Variants in TRIM34 observed in about 807,000 individuals in gnomAD.
TRIM34 encodes tripartite motif containing 34.
A neutral mutation model predicts 38.1 loss-of-function variants in TRIM34; 41 were observed. The ratio of observed to expected loss-of-function variants is 1.08; its 90% CI spans 0.84 to 1.40. The LOEUF is 1.40. TRIM34 is among the 40% of genes most tolerant of loss of function. The pLI, the probability that TRIM34 is intolerant of heterozygous loss-of-function variation, is 0.00. For synonymous variants in TRIM34, 200 were observed against 202.5 expected (o/e 0.99, Z 0.10); for missense variants, 556 against 571.4 (o/e 0.97, Z 0.27).
At position 5,632,295 on chromosome 11, in the gene TRIM34, A is replaced by G. The variant is rs771180490; in HGVS notation, c.-37A>G. On this transcript the variant is annotated 5_prime_UTR_variant, in exon 2 of 8. Transcript: ENST00000429814. ...TAACCAGAAGAGAGAGGAGAGCCTC[A>G]GGAGTTAGGACCAGAAGAAGCCAGG... 3 of 1,613,686 alleles carry G rather than the reference A, an allele frequency of 1.9e-6. No homozygotes were observed. Among genetic ancestry groups the G allele is most frequent in the Admixed American group, 1.7e-5 (1 of 59,980 alleles).
At chr11:5,641,263 G>A (rs1849999925) in intron 5 of TRIM34, 74 bp downstream of exon 5, 3 of 1,606,106 alleles carry the variant, frequency 1.9e-6, no homozygotes, top group South Asian at 2.2e-5. Context: ...TTATTTGGTG[G>A]TCAATTGGAA....
intron 2 of TRIM34, 66 bp downstream of exon 2, chr11:5,632,820 T>C: frequency 2.5e-6 from 3 of 1,184,300 alleles, no homozygotes; most frequent in Admixed American, 3.3e-5. Flanking sequence ...CACCTTTTCA[T>C]CCTTTTTTTT....
intron 4 of TRIM34, 49 bp downstream of exon 4, chr11:5,634,910 G>A (rs760063922): frequency 3.0e-5 from 48 of 1,574,208 alleles, no homozygotes; most frequent in Non-Finnish European, 3.9e-5. Context: ...GTTCCCTCCT[G>A]TGTCCTTGCG....
At chr11:5,634,972 C>T (rs1849670314) in intron 4 of TRIM34, 111 bp downstream of exon 4, 4 of 1,148,980 alleles carry the variant, frequency 3.5e-6, no homozygotes, top group Non-Finnish European at 3.6e-6. Context: ...GCAGTGCCGC[C>T]TTGTCGTCCA....
Position 5,643,669 on chromosome 11 carries a change from A to G in TRIM34, c.1427A>G (p.Asn476Ser), listed in dbSNP as rs760156411. ...QPVYPYFNPWNCPAPMTLCPP... is the reference protein window; with the variant it reads ...QPVYPYFNPWSCPAPMTLCPP... ...GTTTATCCATATTTCAATCCTTGGA[A>G]CTGTCCAGCTCCCATGACTCTATGC... is the stretch of plus-strand genomic sequence containing the variant. Residue 476 changes from asparagine to serine, a missense_variant, in exon 8 of 8, where the codon AAC becomes AGC. Physicochemically the swap from Asn to Ser is conservative, Grantham distance 46. Coordinates refer to ENST00000429814, the MANE Select transcript of TRIM34 (RefSeq NM_021616.6). 6.2e-7 allele frequency: 1 copy of G among 1,613,142 alleles called. No homozygotes were observed. Among genetic ancestry groups the G allele is most frequent in the South Asian group, 1.1e-5 (1 of 90,894 alleles).
At chr11:5,621,426 T>C (rs111500586), upstream of TRIM34, among the ~76,000 whole-genome samples, 281 of 152,360 alleles carry the variant, frequency 1.8e-3, no homozygotes, top group African/African-American at 6.2e-3. Context: ...CCTGTTTACA[T>C]AGAGCTCTAA....
chr11:5,628,710 TAA>T (rs2133915114), intron 1 of TRIM34, among the ~76,000 whole-genome samples: 1 of 152,290 alleles, frequency 6.6e-6, no homozygotes, highest in South Asian at 2.1e-4. Context: ...AGCACTGTTG[TAA>T]CCAATTATCA....
chr11:5,621,467 T>C (rs1199316180), upstream of TRIM34, among the ~76,000 whole-genome samples: 1 of 152,236 alleles, frequency 6.6e-6, no homozygotes, highest in Non-Finnish European at 1.5e-5. Flanking sequence ...CTGCATATTC[T>C]TGAATGACTA....
Position 5,643,966 on chromosome 11 carries a change from AT to A in TRIM34, c.*260del. ...ATGGGTATAACATCCTTGCCTTCCCATTTATCCATGTTTCACTTTATCACTG... is the reference window on the plus strand; with the variant it reads ...ATGGGTATAACATCCTTGCCTTCCCATTATCCATGTTTCACTTTATCACTG... On this transcript the variant is annotated 3_prime_UTR_variant, in exon 8 of 8. Transcript: ENST00000429814. 2.0e-6 allele frequency: 1 copy of A among 509,478 alleles called. No homozygotes were observed. The highest frequency in any genetic ancestry group is 3.3e-6 in the Non-Finnish European group (1 of 300,652). 31.6% of individuals were successfully genotyped at this position (509,478 alleles called of 1,614,324 possible).
rs1850132888 is a variant in TRIM34, at chr11:5,643,888, CTT to C, written c.*183_*184del. The C allele has an allele frequency of 2.4e-6, 2 of 817,638 alleles. No homozygotes were observed. Among genetic ancestry groups the C allele is most frequent in the Non-Finnish European group, 3.6e-6 (2 of 549,554 alleles). 50.6% of individuals were successfully genotyped at this position (817,638 alleles called of 1,614,324 possible). A position where few individuals can be genotyped will look rare whatever the true frequency, so the allele number is the denominator to read the frequency against. ...AGAGATGCTTATTTATTCATTTACT[CTT>C]TTTCATATTTTCAGAGAAAGTTACC... is the stretch of plus-strand genomic sequence containing the variant. On this transcript the variant is annotated 3_prime_UTR_variant, in exon 8 of 8. Transcript: ENST00000429814.
At chr11:5,635,559 T>A (rs570350073) in intron 4 of TRIM34, among the ~76,000 whole-genome samples, 1 of 152,078 alleles carries the variant, frequency 6.6e-6, no homozygotes, top group Non-Finnish European at 1.5e-5. Context: ...CCCAGCCCCC[T>A]GTTACTTTTT....
chr11:5,634,807 G>A lies in TRIM34; in HGVS notation c.696G>A (p.Glu232=). 6.2e-7 allele frequency: 1 copy of A among 1,613,770 alleles called. No individual in the cohort carries two copies. The highest frequency in any genetic ancestry group is 8.5e-7 in the Non-Finnish European group (1 of 1,179,792). ...ELVQQKQLVR[E]LISDVECRSQ... is the part of the protein sequence containing the mutation. ...TTCAGCAGAAGCAGTTGGTGAGAGA[G>A]CTCATCTCAGATGTGGAGTGTCGGA... Residue 232 remains glutamate (E), a synonymous_variant, in exon 4 of 8, where the codon GAG becomes GAA. Coordinates refer to ENST00000429814, the MANE Select transcript of TRIM34 (RefSeq NM_021616.6).
At chr11:5,629,677 G>A (rs900235506) in intron 1 of TRIM34, among the ~76,000 whole-genome samples, 5 of 152,172 alleles carry the variant, frequency 3.3e-5, no homozygotes, top group Non-Finnish European at 7.3e-5. Context: ...AGACAGGGCC[G>A]CTTCAGGTGA....
intron 3 of TRIM34, among the ~76,000 whole-genome samples, chr11:5,634,171 AC>A (rs1387220005): frequency 6.6e-6 from 1 of 152,142 alleles, no homozygotes; most frequent in Non-Finnish European, 1.5e-5. Flanking sequence ...ACGGGGCTCT[AC>A]TACTTCTGGT....
At chr11:5,627,863 C>T (rs962731849) in intron 1 of TRIM34, among the ~76,000 whole-genome samples, 1 of 152,216 alleles carries the variant, frequency 6.6e-6, no homozygotes, top group African/African-American at 2.4e-5. Flanking sequence ...CTAAAAGTCA[C>T]TCGTAGAGAC....
chr11:5,637,780 A>G (rs1006526903), intron 4 of TRIM34, among the ~76,000 whole-genome samples: 3 of 152,164 alleles, frequency 2.0e-5, no homozygotes, highest in Admixed American at 2.0e-4. Context: ...GATAACCACT[A>G]TTCTACTTTC....
At chr11:5,630,169 A>G (rs558457351) in intron 1 of TRIM34, among the ~76,000 whole-genome samples, 4 of 152,296 alleles carry the variant, frequency 2.6e-5, no homozygotes, top group South Asian at 2.1e-4. Flanking sequence ...AAGAGTCTCA[A>G]TCCTCTTACG....
At position 5,643,125 on chromosome 11, in the gene TRIM34, A is replaced by ATATATTTTTTT; in HGVS notation, c.902-18_902-17insATATTTTTTTT. On this transcript the variant is annotated intron_variant, in intron 7 of 7. Coordinates refer to ENST00000429814, the MANE Select transcript of TRIM34 (RefSeq NM_021616.6). ...ATTATATTCATATACATATATATAT[A>ATATATTTTTTT]TTTTTTTTTTTCTTGCAGTGGATGT... is the stretch of plus-strand genomic sequence containing the variant. 1 of 974,266 alleles carries ATATATTTTTTT rather than the reference A, an allele frequency of 1.0e-6. No homozygotes were observed. Among genetic ancestry groups the ATATATTTTTTT allele is most frequent in the South Asian group, 3.1e-5 (1 of 32,170 alleles). The allele number at this position is 974,266 out of a possible 1,614,324, so 60.4% of individuals were successfully genotyped here. A position where few individuals can be genotyped will look rare whatever the true frequency, so the allele number is the denominator to read the frequency against.
intron 1 of TRIM34, among the ~76,000 whole-genome samples, chr11:5,630,657 T>C (rs1208523885): frequency 6.6e-6 from 1 of 152,238 alleles, no homozygotes; most frequent in African/African-American, 2.4e-5. Context: ...TATTCAGCTT[T>C]CATTAAACTC....
Sources: gnomAD v4.1 joint callset for allele counts (sites outside exome capture counted in the v4.1 genomes callset) on GRCh38, gnomAD v4.1.1 for gene constraint, MANE v1.5 for transcripts, NCBI Gene and HGNC (gene_info 2026-07-23, HGNC 2026-07-21) for gene names.